Variants in ZNF644 observed in about 807,000 individuals in gnomAD.
The protein encoded by ZNF644 is zinc finger motif enhancer binding protein 2.
Under a neutral mutation model 108.0 loss-of-function variants are expected in ZNF644, and 20 were observed. That is an observed-to-expected ratio of 0.19 (90% CI 0.13 to 0.27). ZNF644 has a LOEUF of 0.27. Among genes scored for constraint, ZNF644 ranks in the 10% least tolerant of loss-of-function variants. ZNF644 has a pLI of 1.00. For missense variants in ZNF644, 1,338 were observed against 1,548.9 expected (o/e 0.86, Z 2.29); for synonymous variants, 542 against 539.1 (o/e 1.01, Z -0.08).
intron 1 of ZNF644, among the ~76,000 whole-genome samples, chr1:90,998,069 C>A (rs1005493338): frequency 6.6e-6 from 1 of 152,186 alleles, no homozygotes; most frequent in East Asian, 1.9e-4. Context: ...TGGGGGGAGC[C>A]CACCACAGCT....
chr1:90,959,959 T>C (rs537622403), intron 2 of ZNF644, among the ~76,000 whole-genome samples: 1 of 152,296 alleles, frequency 6.6e-6, no homozygotes, highest in African/African-American at 2.4e-5. Context: ...GATGACATCT[T>C]GCACCATCCC....
intron 4 of ZNF644, among the ~76,000 whole-genome samples, chr1:90,926,799 T>C (rs186561590): frequency 4.6e-5 from 7 of 152,286 alleles, no homozygotes; most frequent in African/African-American, 1.7e-4. Flanking sequence ...GTCACTGACC[T>C]GGTACAGGAC....
At chr1:90,975,663 TG>T (rs1201064243) in intron 2 of ZNF644, among the ~76,000 whole-genome samples, 1 of 152,054 alleles carries the variant, frequency 6.6e-6, no homozygotes, top group Non-Finnish European at 1.5e-5. Flanking sequence ...AGGCTGGTCT[TG>T]AACTCCTGAC....
At chr1:90,952,784 T>C (rs1653312502) in intron 2 of ZNF644, among the ~76,000 whole-genome samples, 1 of 151,748 alleles carries the variant, frequency 6.6e-6, no homozygotes, top group Non-Finnish European at 1.5e-5. Flanking sequence ...AGAGAGAATA[T>C]AAGACAGAAG....
At chr1:90,932,904 T>G (rs1465012986) in intron 4 of ZNF644, among the ~76,000 whole-genome samples, 1 of 152,194 alleles carries the variant, frequency 6.6e-6, no homozygotes, top group Non-Finnish European at 1.5e-5. Context: ...ATTTTCCTTT[T>G]CTTTGCCTAG....
intron 1 of ZNF644, 139 bp from the exon 2 acceptor site, chr1:90,982,509 A>G (rs1397573793): frequency 1.4e-5 from 9 of 627,590 alleles, no homozygotes; most frequent in Non-Finnish European, 1.9e-5. Context: ...AAAACCATTC[A>G]ACCAGAATAC....
intron 1 of ZNF644, among the ~76,000 whole-genome samples, chr1:91,013,083 T>C (rs1660108402): frequency 6.6e-6 from 1 of 152,154 alleles, no homozygotes; most frequent in African/African-American, 2.4e-5. Flanking sequence ...TTTTTTCTTT[T>C]GTTTTTTGGA....
intron 4 of ZNF644, among the ~76,000 whole-genome samples, chr1:90,932,424 T>C (rs542391620): frequency 6.6e-6 from 1 of 152,334 alleles, no homozygotes; most frequent in Non-Finnish European, 1.5e-5. Flanking sequence ...ACTTTCCCTT[T>C]ACATTGTTCC....
At chr1:90,961,842 G>C (rs901061211) in intron 2 of ZNF644, among the ~76,000 whole-genome samples, 1 of 151,984 alleles carries the variant, frequency 6.6e-6, no homozygotes, top group Admixed American at 6.6e-5. Flanking sequence ...GTCACACTGG[G>C]TAAGTACTAC....
At chr1:90,969,878 C>CATAAGAA in intron 2 of ZNF644, among the ~76,000 whole-genome samples, 1 of 152,146 alleles carries the variant, frequency 6.6e-6, no homozygotes, top group Non-Finnish European at 1.5e-5. Flanking sequence ...TTAGGTAGGT[C>CATAAGAA]TACTGTAGAT....
intron 2 of ZNF644, among the ~76,000 whole-genome samples, chr1:90,954,327 A>T (rs1653509543): frequency 6.6e-6 from 1 of 151,944 alleles, no homozygotes; most frequent in Non-Finnish European, 1.5e-5. Context: ...TCAAGAAACC[A>T]CTTTCTTCGC....
intron 1 of ZNF644, among the ~76,000 whole-genome samples, chr1:90,991,204 A>C (rs1475603164): frequency 1.3e-5 from 2 of 152,202 alleles, no homozygotes; most frequent in African/African-American, 4.8e-5. Flanking sequence ...GTTACTGGGA[A>C]ACTGCAAATT....
intron 2 of ZNF644, among the ~76,000 whole-genome samples, chr1:90,968,874 A>T (rs909705279): frequency 6.6e-6 from 1 of 152,156 alleles, no homozygotes; most frequent in African/African-American, 2.4e-5. Context: ...CATTTATCCT[A>T]TTTACTTGCC....
At chr1:90,965,091 A>G (rs1024892948) in intron 2 of ZNF644, among the ~76,000 whole-genome samples, 4 of 152,164 alleles carry the variant, frequency 2.6e-5, no homozygotes, top group African/African-American at 9.7e-5. Flanking sequence ...TTTTTAGTTA[A>G]TAACTGTATT....
chr1:90,918,829 A>G (rs142786164), intron 4 of ZNF644, among the ~76,000 whole-genome samples: 34 of 152,182 alleles, frequency 2.2e-4, no homozygotes, highest in African/African-American at 6.7e-4. Context: ...ATGCAATCAT[A>G]TAAGTTTTAT....
intron 1 of ZNF644, among the ~76,000 whole-genome samples, chr1:90,996,909 G>A (rs1658199203): frequency 6.6e-6 from 1 of 152,134 alleles, no homozygotes; most frequent in Non-Finnish European, 1.5e-5. Context: ...CTCCTGGAAG[G>A]CTCTACTCGC....
Position 90,918,170 on chromosome 1 carries a change from G to A in ZNF644, c.3689-16C>T, listed in dbSNP as rs752094356. On this transcript the variant is annotated splice_polypyrimidine_tract_variant and intron_variant, in intron 4 of 5. Transcript: ENST00000337393. ...CAATCTAAGGCTAAAAAGGGGAAGAGAAAGACTTAACATTCCTTATATATT... is the reference window on the plus strand; with the variant it reads ...CAATCTAAGGCTAAAAAGGGGAAGAAAAAGACTTAACATTCCTTATATATT... 5.0e-6 allele frequency: 8 copies of A among 1,596,474 alleles called. No individual in the cohort carries two copies. The highest frequency in any genetic ancestry group is 1.7e-4 in the Middle Eastern group (1 of 6,046).
intron 2 of ZNF644, among the ~76,000 whole-genome samples, chr1:90,979,433 A>T (rs948133015): frequency 6.6e-6 from 1 of 152,202 alleles, no homozygotes; most frequent in African/African-American, 2.4e-5. Flanking sequence ...AGACTGTGCC[A>T]TTGCATTCCC....
At chr1:91,014,296 G>A (rs961340466) in intron 1 of ZNF644, among the ~76,000 whole-genome samples, 1 of 152,010 alleles carries the variant, frequency 6.6e-6, no homozygotes, top group Non-Finnish European at 1.5e-5. Flanking sequence ...TCTTCCCGAT[G>A]AGTGCCAGAA....
Sources: gnomAD v4.1 joint callset for allele counts (sites outside exome capture counted in the v4.1 genomes callset) on GRCh38, gnomAD v4.1.1 for gene constraint, MANE v1.5 for transcripts, NCBI Gene and HGNC (gene_info 2026-07-23, HGNC 2026-07-21) for gene names.